The following FMN2 variants were observed in gnomAD, a reference collection of about 807,000 sequenced individuals.
The protein encoded by FMN2 is formin 2.
A neutral mutation model predicts 142.3 loss-of-function variants in FMN2; 51 were observed. The ratio of observed to expected loss-of-function variants is 0.36; its 90% CI spans 0.29 to 0.45. The LOEUF (loss-of-function observed/expected upper bound fraction) is 0.45, where lower values mean the gene tolerates loss of function less well. FMN2 is among the 20% of genes least tolerant of loss of function. FMN2 has a pLI of 1.00. For synonymous variants in FMN2, 882 were observed against 869.8 expected (o/e 1.01, Z -0.25); for missense variants, 1,936 against 2,122.8 (o/e 0.91, Z 1.73).
chr1:240,239,713 A>G (rs1200937341), intron 6 of FMN2, among the ~76,000 whole-genome samples: 2 of 152,230 alleles, frequency 1.3e-5, no homozygotes, highest in African/African-American at 2.4e-5. Context: ...CCAGAAAGAA[A>G]CATCATGCCA....
At chr1:240,171,276 A>ACCT in intron 2 of FMN2, 2 of 744,118 alleles carry the variant, frequency 2.7e-6, no homozygotes, top group South Asian at 2.8e-5. Context: ...AAAGCATTCG[A>ACCT]ACTGTTGTGA....
intron 2 of FMN2, chr1:240,145,179 T>C (rs971353163): frequency 4.2e-5 from 60 of 1,443,948 alleles, no homozygotes; most frequent in Non-Finnish European, 5.5e-5. Context: ...GATGTGTCCT[T>C]CTCCCCGAGT....
intron 3 of FMN2, among the ~76,000 whole-genome samples, chr1:240,180,652 C>A (rs999379028): frequency 6.7e-6 from 1 of 149,578 alleles, no homozygotes. Context: ...CTGCAACCTC[C>A]GCCTCCTGAG....
intron 13 of FMN2, among the ~76,000 whole-genome samples, chr1:240,345,715 T>C (rs984410764): frequency 1.3e-5 from 2 of 152,118 alleles, no homozygotes; most frequent in Non-Finnish European, 2.9e-5. Flanking sequence ...ACTCCTGGCC[T>C]CAAGTGATCC....
In FMN2 at chr1:240,241,825, C is replaced by CTTTTTTTTTTTTT. The variant is rs71567282; in HGVS notation, c.4066-16103_4066-16091dup. Among the ~76,000 whole-genome samples the CTTTTTTTTTTTTT allele has an allele frequency of 1.1e-4, 11 of 96,228 alleles. 1 individual carries two copies. The highest frequency in any genetic ancestry group is 3.8e-4 in the African/African-American group (10 of 26,322). The allele number at this position is 96,228 out of a possible 152,430, so 63.1% of individuals were successfully genotyped here. ...ATTTTCTTTATTTTAGTGTGCCTTG[C>CTTTTTTTTTTTTT]TTTTTTTTTTTTTTTTTTTTTTTTT... On this transcript the variant is annotated intron_variant, in intron 6 of 17. Coordinates refer to ENST00000319653, the MANE Select transcript of FMN2 (RefSeq NM_020066.5).
At chr1:240,373,598 GA>G in intron 14 of FMN2, among the ~76,000 whole-genome samples, 1 of 152,260 alleles carries the variant, frequency 6.6e-6, no homozygotes, top group Non-Finnish European at 1.5e-5. Context: ...TCATTCATAA[GA>G]AGCAACTCCT....
chr1:240,130,048 C>T (rs772633754), intron 2 of FMN2, among the ~76,000 whole-genome samples: 3 of 152,110 alleles, frequency 2.0e-5, no homozygotes, highest in Non-Finnish European at 2.9e-5. Flanking sequence ...AGTGTCTCTA[C>T]TTTTGCCTTC....
intron 8 of FMN2, among the ~76,000 whole-genome samples, chr1:240,300,692 GCTAA>G (rs1415274283): frequency 3.3e-5 from 5 of 152,204 alleles, no homozygotes; most frequent in South Asian, 4.1e-4. Context: ...TTTCTAGAAA[GCTAA>G]CTAACTGTCA....
intron 8 of FMN2, among the ~76,000 whole-genome samples, chr1:240,305,871 G>A (rs904871697): frequency 6.6e-6 from 1 of 151,780 alleles, no homozygotes; most frequent in Non-Finnish European, 1.5e-5. Flanking sequence ...TATTGTAATA[G>A]GATATAAACC....
intron 6 of FMN2, among the ~76,000 whole-genome samples, chr1:240,215,779 G>A (rs537232209): frequency 6.6e-6 from 1 of 151,848 alleles, no homozygotes; most frequent in Non-Finnish European, 1.5e-5. Context: ...CATGATCTTG[G>A]CTCACTGCAA....
chr1:240,235,485 C>T (rs914817990), intron 6 of FMN2, among the ~76,000 whole-genome samples: 1 of 151,484 alleles, frequency 6.6e-6, no homozygotes, highest in African/African-American at 2.4e-5. Context: ...GATCATCGCT[C>T]ACGACAGCTT....
At chr1:240,427,457 G>A (rs1674997605) in intron 15 of FMN2, among the ~76,000 whole-genome samples, 2 of 151,950 alleles carry the variant, frequency 1.3e-5, no homozygotes, top group Admixed American at 6.6e-5. Flanking sequence ...TGCCCGCCTC[G>A]GCCTCCCAAA....
intron 2 of FMN2, among the ~76,000 whole-genome samples, chr1:240,159,957 C>CTT (rs1664206310): frequency 8.4e-6 from 1 of 119,494 alleles, no homozygotes; most frequent in Admixed American, 8.4e-5. Flanking sequence ...ATATCTATAT[C>CTT]TGTGTATATA....
intron 2 of FMN2, chr1:240,144,149 T>C: frequency 7.5e-7 from 1 of 1,335,008 alleles, no homozygotes; most frequent in Non-Finnish European, 1.1e-6. Context: ...CAGATGCAGC[T>C]GCACTCAACA....
chr1:240,280,346 G>T (rs1004422313), intron 7 of FMN2, among the ~76,000 whole-genome samples: 1 of 147,660 alleles, frequency 6.8e-6, no homozygotes, highest in Admixed American at 6.8e-5. Context: ...ACATGTTTGT[G>T]TAGCACTACA....
chr1:240,393,433 T>C (rs1673674863), intron 15 of FMN2, among the ~76,000 whole-genome samples: 1 of 152,174 alleles, frequency 6.6e-6, no homozygotes, highest in Admixed American at 6.5e-5. Context: ...AAAAATATTG[T>C]ATGTTCTAAC....
chr1:240,285,250 CATG>C (rs1317906455), intron 7 of FMN2: 1 of 455,156 alleles, frequency 2.2e-6, no homozygotes, highest in Admixed American at 2.4e-5. Flanking sequence ...CAACACGATT[CATG>C]ATGTGTTGGA....
At chr1:240,370,827 G>C (rs570048840) in intron 14 of FMN2, among the ~76,000 whole-genome samples, 1 of 152,160 alleles carries the variant, frequency 6.6e-6, no homozygotes, top group Non-Finnish European at 1.5e-5. Context: ...TTCTGGAAAA[G>C]ATTGAATAAT....
intron 2 of FMN2, chr1:240,143,769 T>A: frequency 6.6e-7 from 1 of 1,516,950 alleles, no homozygotes; most frequent in Non-Finnish European, 9.2e-7. Context: ...TGAAGGATAG[T>A]GGAAGTTACA....
Sources: allele counts gnomAD v4.1 joint callset (sites outside exome capture counted in the v4.1 genomes callset), GRCh38; gene constraint gnomAD v4.1.1; transcripts MANE v1.5; gene names NCBI Gene and HGNC (gene_info 2026-07-23, HGNC 2026-07-21).